The following FHIT variants were observed in gnomAD, a reference collection of about 807,000 sequenced individuals.
The protein encoded by FHIT is bis(5'-adenosyl)-triphosphatase.
In FHIT, 19 loss-of-function variants were observed where a neutral mutation model predicts 17.9. The ratio of observed to expected loss-of-function variants is 1.06; its 90% CI spans 0.74 to 1.56. The LOEUF is 1.56. Ranked by LOEUF, FHIT falls within the 40% of genes most tolerant of loss-of-function variation. The pLI is 0.00. For missense variants in FHIT, 248 were observed against 189.2 expected, an observed-to-expected ratio of 1.31 and a Z score of -1.82; for synonymous variants, 81 against 69.7, an observed-to-expected ratio of 1.16 and a Z score of -0.81.
At chr3:60,563,145 C>T (rs1341610329) in intron 4 of FHIT, among the ~76,000 whole-genome samples, 2 of 152,126 alleles carry the variant, frequency 1.3e-5, no homozygotes, top group Non-Finnish European at 1.5e-5. Context: ...CATGGAGAAA[C>T]CACACAGTTA....
intron 5 of FHIT, among the ~76,000 whole-genome samples, chr3:60,381,921 C>T (rs980476758): frequency 6.6e-6 from 1 of 152,062 alleles, no homozygotes; most frequent in Non-Finnish European, 1.5e-5. Context: ...TAGTGCTGTG[C>T]TGTCCAATAT....
intron 4 of FHIT, among the ~76,000 whole-genome samples, chr3:60,630,463 A>G (rs543054299): frequency 1.6e-3 from 242 of 152,276 alleles, no homozygotes; most frequent in Middle Eastern, 6.8e-3. Context: ...AGCAATCAAA[A>G]TCCTATATTA....
At chr3:60,009,161 TTTTATGTGTGTGTG>T (rs1190354531) in intron 7 of FHIT, among the ~76,000 whole-genome samples, 15 of 71,036 alleles carry the variant, frequency 2.1e-4, no homozygotes, top group East Asian at 7.4e-4. Context: ...TTCTCTGGGA[TTTTATGTGTGTGTG>T]TGTGTGTGTG....
At chr3:59,838,442 A>C (rs1701415186) in intron 8 of FHIT, among the ~76,000 whole-genome samples, 1 of 152,132 alleles carries the variant, frequency 6.6e-6, no homozygotes, top group Non-Finnish European at 1.5e-5. Flanking sequence ...TGTTCTTCCC[A>C]CTTGGAATGT....
intron 5 of FHIT, among the ~76,000 whole-genome samples, chr3:60,480,082 G>C (rs572621634): frequency 6.6e-6 from 1 of 152,272 alleles, no homozygotes; most frequent in East Asian, 1.9e-4. Flanking sequence ...CATGGTTGGG[G>C]AGGCCTCAGG....
At chr3:60,948,563 C>T (rs782254706) in intron 3 of FHIT, among the ~76,000 whole-genome samples, 5 of 152,060 alleles carry the variant, frequency 3.3e-5, no homozygotes, top group Non-Finnish European at 5.9e-5. Flanking sequence ...AATTGAATTC[C>T]ACTGGGGACA....
intron 4 of FHIT, among the ~76,000 whole-genome samples, chr3:60,552,405 G>A (rs2036590901): frequency 6.6e-6 from 1 of 152,140 alleles, no homozygotes; most frequent in Non-Finnish European, 1.5e-5. Context: ...CTGCCAAGCT[G>A]TTTTCCTTAG....
At chr3:60,809,506 C>T (rs1701504895) in intron 4 of FHIT, among the ~76,000 whole-genome samples, 1 of 152,154 alleles carries the variant, frequency 6.6e-6, no homozygotes, top group South Asian at 2.1e-4. Flanking sequence ...GCATAAAAAA[C>T]CTTGCCCTCA....
At chr3:60,707,613 G>T (rs2041406791) in intron 4 of FHIT, among the ~76,000 whole-genome samples, 2 of 152,176 alleles carry the variant, frequency 1.3e-5, no homozygotes, top group Non-Finnish European at 2.9e-5. Flanking sequence ...TGCCTACAAG[G>T]TAGCAATTAG....
At chr3:59,997,204 A>T (rs529772447) in intron 7 of FHIT, among the ~76,000 whole-genome samples, 2 of 152,292 alleles carry the variant, frequency 1.3e-5, no homozygotes, top group South Asian at 4.1e-4. Context: ...AGTTTGGGAA[A>T]GGGATAAAAA....
At chr3:60,963,679 G>A (rs999929518) in intron 3 of FHIT, among the ~76,000 whole-genome samples, 1 of 152,004 alleles carries the variant, frequency 6.6e-6, no homozygotes, top group Non-Finnish European at 1.5e-5. Flanking sequence ...GCCTTCATTT[G>A]GTTATGTGCC....
intron 3 of FHIT, among the ~76,000 whole-genome samples, chr3:60,948,918 T>C (rs1255077328): frequency 6.6e-6 from 1 of 152,164 alleles, no homozygotes; most frequent in Non-Finnish European, 1.5e-5. Context: ...ACCCATCAGT[T>C]TTCCATCGCC....
At chr3:60,744,263 C>CAAAAAAAAAAAAA (rs1201886354) in intron 4 of FHIT, among the ~76,000 whole-genome samples, 1 of 85,980 alleles carries the variant, frequency 1.2e-5, no homozygotes, top group Non-Finnish European at 2.3e-5. Flanking sequence ...AAAAACAAAA[C>CAAAAAAAAAAAAA]AAAACAAAAA....
chr3:60,297,700 G>A (rs1708275460), intron 5 of FHIT, among the ~76,000 whole-genome samples: 1 of 151,982 alleles, frequency 6.6e-6, no homozygotes. Flanking sequence ...TGCGTAGGGG[G>A]CATAAAATAC....
chr3:61,043,913 G>C (rs1175102271), intron 2 of FHIT, among the ~76,000 whole-genome samples: 1 of 152,158 alleles, frequency 6.6e-6, no homozygotes, highest in Non-Finnish European at 1.5e-5. Context: ...TGCAGCTGAG[G>C]ATCCTAACTG....
chr3:60,404,192 T>C (rs1327877272), intron 5 of FHIT, among the ~76,000 whole-genome samples: 6 of 152,214 alleles, frequency 3.9e-5, no homozygotes, highest in Non-Finnish European at 8.8e-5. Flanking sequence ...CATTCTTTCC[T>C]TGCTTTGTGT....
At chr3:61,020,887 T>C (rs1361783059) in intron 3 of FHIT, among the ~76,000 whole-genome samples, 3 of 152,124 alleles carry the variant, frequency 2.0e-5, no homozygotes, top group Non-Finnish European at 4.4e-5. Flanking sequence ...GCAATACTAG[T>C]CTCTGATAAA....
intron 4 of FHIT, among the ~76,000 whole-genome samples, chr3:60,820,518 T>C (rs1553738988): frequency 1.3e-5 from 2 of 152,148 alleles, no homozygotes; most frequent in African/African-American, 4.8e-5. Context: ...CATTAGGAAG[T>C]AAAGATGCCT....
At chr3:60,743,008 T>C (rs1260908602) in intron 4 of FHIT, among the ~76,000 whole-genome samples, 1 of 152,236 alleles carries the variant, frequency 6.6e-6, no homozygotes. Context: ...TTCTCCCTTT[T>C]GGAAGAGCTA....
Sources: allele counts gnomAD v4.1 joint callset (sites outside exome capture counted in the v4.1 genomes callset), GRCh38; gene constraint gnomAD v4.1.1; transcripts MANE v1.5; gene names NCBI Gene and HGNC (gene_info 2026-07-23, HGNC 2026-07-21).